Variants in KCNIP4 observed in about 807,000 individuals in gnomAD.
KCNIP4 encodes the protein Kv channel-interacting protein 4.
Under a neutral mutation model 34.0 loss-of-function variants are expected in KCNIP4, and 12 were observed. The observed-to-expected ratio is 0.35, with a 90% confidence interval of 0.23 to 0.57. The LOEUF (loss-of-function observed/expected upper bound fraction) is 0.57, where lower values mean the gene tolerates loss of function less well. KCNIP4 is among the 20% of genes least tolerant of loss of function. The pLI is 0.83. For synonymous variants in KCNIP4, 124 were observed against 102.2 expected (o/e 1.21, Z -1.29); for missense variants, 238 against 311.7 (o/e 0.76, Z 1.78).
Position 21,679,215 on chromosome 4 carries a change from C to A in KCNIP4, c.61+269356G>T, listed in dbSNP as rs185427830. Among the ~76,000 whole-genome samples the A allele has an allele frequency of 3.1e-3, 472 of 152,278 alleles. 2 individuals are homozygous for A. Among genetic ancestry groups the A allele is most frequent in the Middle Eastern group, 6.8e-3 (2 of 294 alleles). Reference sequence around the variant, plus strand: ...CCCGTTAAACAAATGCACACTCTAACCTCCACAGTCTTCCCAAACCGACTT... The same window carrying A: ...CCCGTTAAACAAATGCACACTCTAAACTCCACAGTCTTCCCAAACCGACTT... On this transcript the variant is annotated intron_variant, in intron 1 of 8. Transcript: ENST00000382152.
At chr4:21,122,458 T>A (rs1195464578) in intron 1 of KCNIP4, among the ~76,000 whole-genome samples, 1 of 49,922 alleles carries the variant, frequency 2.0e-5, no homozygotes, top group Non-Finnish European at 3.5e-5. Context: ...GCAGATCAAG[T>A]TTTTTTTTTT....
chr4:21,125,403 G>C (rs963653692), intron 1 of KCNIP4, among the ~76,000 whole-genome samples: 1 of 151,710 alleles, frequency 6.6e-6, no homozygotes, highest in Admixed American at 6.6e-5. Flanking sequence ...TTTTAGTAGA[G>C]ACGGGGTTTC....
chr4:21,176,522 T>A (rs1754422354), intron 1 of KCNIP4, among the ~76,000 whole-genome samples: 1 of 152,246 alleles, frequency 6.6e-6, no homozygotes, highest in Admixed American at 6.5e-5. Context: ...ATTTATTTTT[T>A]ATTTTTATTT....
chr4:21,792,216 G>C (rs1477621330), intron 1 of KCNIP4, among the ~76,000 whole-genome samples: 1 of 151,864 alleles, frequency 6.6e-6, no homozygotes, highest in African/African-American at 2.4e-5. Context: ...TCCATTCCCA[G>C]TGTCTAGAAT....
chr4:21,734,977 T>A (rs1301580572), intron 1 of KCNIP4, among the ~76,000 whole-genome samples: 1 of 152,096 alleles, frequency 6.6e-6, no homozygotes, highest in Non-Finnish European at 1.5e-5. Flanking sequence ...GACCAATAAG[T>A]TTCTTATTTC....
At chr4:21,932,318 A>G (rs994197027) in intron 1 of KCNIP4, among the ~76,000 whole-genome samples, 2 of 152,136 alleles carry the variant, frequency 1.3e-5, no homozygotes, top group African/African-American at 2.4e-5. Context: ...GCAGTGTCTG[A>G]TCCATGAAGA....
At chr4:20,870,455 T>C (rs896121556) in intron 2 of KCNIP4, among the ~76,000 whole-genome samples, 30 of 152,138 alleles carry the variant, frequency 2.0e-4, no homozygotes, top group African/African-American at 7.2e-4. Flanking sequence ...ATCAAACCTC[T>C]TTTCTTCATA....
At chr4:20,940,762 C>G (rs569894764) in intron 1 of KCNIP4, among the ~76,000 whole-genome samples, 70 of 152,260 alleles carry the variant, frequency 4.6e-4, no homozygotes, top group African/African-American at 1.6e-3. Context: ...ATCATTACTT[C>G]TTGTATCAGT....
chr4:21,452,494 C>A (rs2109747341), intron 1 of KCNIP4, among the ~76,000 whole-genome samples: 1 of 152,170 alleles, frequency 6.6e-6, no homozygotes, highest in East Asian at 1.9e-4. Context: ...TACATGGCTT[C>A]AGATGACTTA....
At chr4:20,740,296 T>C (rs562379540) in intron 5 of KCNIP4, among the ~76,000 whole-genome samples, 71 of 151,352 alleles carry the variant, frequency 4.7e-4, no homozygotes, top group South Asian at 8.4e-4. Flanking sequence ...TTCACCAAAG[T>C]TGAAATGAAG....
At chr4:21,079,189 G>A (rs1256802072) in intron 1 of KCNIP4, among the ~76,000 whole-genome samples, 2 of 151,956 alleles carry the variant, frequency 1.3e-5, no homozygotes, top group Admixed American at 1.3e-4. Context: ...TTCCAACAAG[G>A]CCACTTTTGA....
intron 2 of KCNIP4, among the ~76,000 whole-genome samples, chr4:20,865,606 G>A (rs922284613): frequency 2.0e-5 from 3 of 151,818 alleles, no homozygotes; most frequent in Admixed American, 6.6e-5. Context: ...TAAGCAAAAC[G>A]CAGAGAAAGA....
chr4:20,827,258 A>T (rs1233228003), intron 3 of KCNIP4, among the ~76,000 whole-genome samples: 1 of 152,156 alleles, frequency 6.6e-6, no homozygotes, highest in Admixed American at 6.5e-5. Context: ...AATACCACGG[A>T]CTGGGTGGCT....
chr4:21,444,863 A>G lies in KCNIP4; in HGVS notation c.61+503708T>C, dbSNP rs181315804. Among the ~76,000 whole-genome samples, 643 of 152,322 alleles carry G rather than the reference A, an allele frequency of 4.2e-3. 8 individuals are homozygous for G. The highest frequency in any genetic ancestry group is 0.015 in the African/African-American group (621 of 41,572). ...CCCTGTTTGCAGATGACATGATTGT[A>G]TACCTAGAAAACCCCATCATCTCAG... On this transcript the variant is annotated intron_variant, in intron 1 of 8. Coordinates refer to ENST00000382152, the MANE Select transcript of KCNIP4 (RefSeq NM_025221.6).
intron 1 of KCNIP4, among the ~76,000 whole-genome samples, chr4:21,878,813 G>A (rs1292380546): frequency 2.6e-5 from 4 of 152,256 alleles, no homozygotes; most frequent in African/African-American, 4.8e-5. Flanking sequence ...CAGTACTCTC[G>A]TTTTTACAAA....
intron 1 of KCNIP4, among the ~76,000 whole-genome samples, chr4:21,913,219 C>A (rs1728438664): frequency 6.6e-6 from 1 of 151,982 alleles, no homozygotes; most frequent in African/African-American, 2.4e-5. Flanking sequence ...TACATGCCTG[C>A]AGACCAGCTA....
intron 1 of KCNIP4, among the ~76,000 whole-genome samples, chr4:21,475,811 A>AT (rs979797928): frequency 6.6e-6 from 1 of 152,198 alleles, no homozygotes; most frequent in Non-Finnish European, 1.5e-5. Flanking sequence ...ATATGTTCAT[A>AT]TTTTTCACCC....
intron 1 of KCNIP4, among the ~76,000 whole-genome samples, chr4:21,469,169 C>A (rs1476915459): frequency 6.6e-6 from 1 of 151,958 alleles, no homozygotes; most frequent in East Asian, 1.9e-4. Context: ...GGCTCAAGTG[C>A]TCCTCCCATC....
At chr4:21,701,915 G>T (rs573215714) in intron 1 of KCNIP4, among the ~76,000 whole-genome samples, 1 of 152,082 alleles carries the variant, frequency 6.6e-6, no homozygotes, top group East Asian at 1.9e-4. Flanking sequence ...TGTTGGCCAG[G>T]CTGGTCTCAA....
Sources: gnomAD v4.1 joint callset for allele counts (sites outside exome capture counted in the v4.1 genomes callset) on GRCh38, gnomAD v4.1.1 for gene constraint, MANE v1.5 for transcripts, NCBI Gene and HGNC (gene_info 2026-07-23, HGNC 2026-07-21) for gene names.